Variants in ADCY2 observed in about 807,000 individuals in gnomAD.
ADCY2 encodes the protein adenylate cyclase 2, also known as adenylate cyclase type 2.
ADCY2 carries 31 observed loss-of-function variants against 125.2 expected under a neutral mutation model. That is an observed-to-expected ratio of 0.25 (90% CI 0.19 to 0.33). The LOEUF (loss-of-function observed/expected upper bound fraction) is 0.33. Ranked by LOEUF, ADCY2 falls within the 10% of genes least tolerant of loss-of-function variation. The pLI is 1.00. For missense variants in ADCY2, 904 were observed against 1,418.2 expected, an observed-to-expected ratio of 0.64 and a Z score of 5.82; for synonymous variants, 512 against 548.4, an observed-to-expected ratio of 0.93 and a Z score of 0.93.
rs148448966 is a variant in ADCY2 at position 7,679,897 on chromosome 5, A to G, written c.721-10794A>G. Among the ~76,000 whole-genome samples, 480 of 152,212 alleles carry G rather than the reference A, an allele frequency of 3.2e-3. 5 individuals carry two copies. The highest frequency in any genetic ancestry group is 0.011 in the African/African-American group (463 of 41,526). On this transcript the variant is annotated intron_variant, in intron 4 of 24. Transcript: ENST00000338316. Reference sequence around the variant, plus strand: ...GGTACGTCTCACCCAGAATAGAGATATGTCACTGCATCCCTTAGTGCTCGG... The same window carrying G: ...GGTACGTCTCACCCAGAATAGAGATGTGTCACTGCATCCCTTAGTGCTCGG...
intron 16 of ADCY2, among the ~76,000 whole-genome samples, chr5:7,758,851 TGG>T (rs1743101120): frequency 1.3e-5 from 2 of 152,162 alleles, no homozygotes; most frequent in South Asian, 2.1e-4. Flanking sequence ...TGTTTGCATC[TGG>T]GACAAGAGTA....
intron 12 of ADCY2, among the ~76,000 whole-genome samples, chr5:7,720,221 C>A (rs895039184): frequency 4.6e-5 from 7 of 152,096 alleles, no homozygotes; most frequent in African/African-American, 1.4e-4. Context: ...TCCAATCCCC[C>A]CAAGTAATAG....
chr5:7,414,426 G>A (rs754690501), intron 1 of ADCY2, 147 bp from the exon 2 acceptor site: 51 of 599,546 alleles, frequency 8.5e-5, no homozygotes, highest in Non-Finnish European at 1.3e-4. Context: ...AATTTTAAAT[G>A]TTCAAACTGT....
chr5:7,795,398 A>C (rs1744387813), intron 20 of ADCY2: 3 of 152,212 alleles, frequency 2.0e-5, no homozygotes, highest in Non-Finnish European at 4.4e-5. Flanking sequence ...TGGAAAACAA[A>C]ACCCAATGTA....
At chr5:7,781,862 A>G (rs1743931694) in intron 18 of ADCY2, among the ~76,000 whole-genome samples, 1 of 152,146 alleles carries the variant, frequency 6.6e-6, no homozygotes, top group Non-Finnish European at 1.5e-5. Flanking sequence ...GAGGTGATCT[A>G]GGAACTGATC....
intron 3 of ADCY2, among the ~76,000 whole-genome samples, chr5:7,582,058 G>A (rs909024224): frequency 2.0e-5 from 3 of 152,054 alleles, no homozygotes; most frequent in East Asian, 3.9e-4. Flanking sequence ...ATAAAGACAC[G>A]GGTTAAAGAT....
At chr5:7,722,728 G>A (rs1409088948) in intron 12 of ADCY2, among the ~76,000 whole-genome samples, 1 of 152,018 alleles carries the variant, frequency 6.6e-6, no homozygotes, top group Non-Finnish European at 1.5e-5. Flanking sequence ...CAAGGCCGAG[G>A]TGGGCAGACC....
At chr5:7,734,531 G>A (rs994393532) in intron 14 of ADCY2, among the ~76,000 whole-genome samples, 2 of 152,120 alleles carry the variant, frequency 1.3e-5, no homozygotes, top group Non-Finnish European at 2.9e-5. Flanking sequence ...GGGAAGACTC[G>A]AGGTTGTTTT....
At chr5:7,512,233 A>AAAAAG (rs1554015573) in intron 2 of ADCY2, among the ~76,000 whole-genome samples, 14 of 143,832 alleles carry the variant, frequency 9.7e-5, no homozygotes, top group African/African-American at 3.8e-4. Context: ...AAAAAAAAAA[A>AAAAAG]AAAAAAAGAA....
chr5:7,503,766 G>A (rs1743690146), intron 2 of ADCY2, among the ~76,000 whole-genome samples: 1 of 152,366 alleles, frequency 6.6e-6, no homozygotes, highest in East Asian at 1.9e-4. Flanking sequence ...CAGCGCCAAT[G>A]TGCATGTGGG....
intron 3 of ADCY2, among the ~76,000 whole-genome samples, chr5:7,581,200 A>G (rs969658260): frequency 1.3e-5 from 2 of 152,210 alleles, no homozygotes; most frequent in Non-Finnish European, 2.9e-5. Flanking sequence ...TTAAAAACAC[A>G]TATGGAAGTT....
chr5:7,773,132 T>C lies in ADCY2; in HGVS notation c.2384+31T>C, dbSNP rs756244990. On this transcript the variant is annotated intron_variant, in intron 18 of 24. Coordinates refer to ENST00000338316, the MANE Select transcript of ADCY2 (RefSeq NM_020546.3). The stretch of plus-strand genomic sequence containing the variant: ...CCACGGCCTCTTCCTTCTCTTACTA[T>C]AGTTCTTTCCCAGCCTGTGGATAGC... The C allele has an allele frequency of 1.3e-5, 21 of 1,606,150 alleles. No individual in the cohort carries two copies. In the South Asian group the frequency reaches 1.9e-4, roughly 14 times the overall value.
chr5:7,482,301 T>TG (rs1253625155), intron 2 of ADCY2, among the ~76,000 whole-genome samples: 1 of 152,192 alleles, frequency 6.6e-6, no homozygotes, highest in African/African-American at 2.4e-5. Flanking sequence ...TTTTTGCTGT[T>TG]GGGTTGTTTG....
At chr5:7,739,498 C>G (rs557343432) in intron 14 of ADCY2, among the ~76,000 whole-genome samples, 1 of 151,688 alleles carries the variant, frequency 6.6e-6, no homozygotes, top group Non-Finnish European at 1.5e-5. Flanking sequence ...GTCCAAATTT[C>G]GATCTTAGGA....
chr5:7,666,159 A>C (rs1009024606), intron 4 of ADCY2, among the ~76,000 whole-genome samples: 1 of 151,238 alleles, frequency 6.6e-6, no homozygotes, highest in Non-Finnish European at 1.5e-5. Context: ...CTTAGGAAAA[A>C]AAGTCTTTAA....
chr5:7,491,240 G>T (rs1447476064), intron 2 of ADCY2, among the ~76,000 whole-genome samples: 1 of 151,928 alleles, frequency 6.6e-6, no homozygotes, highest in Non-Finnish European at 1.5e-5. Flanking sequence ...GTTCAAAAAT[G>T]ATCTAATTAA....
At position 7,706,786 on chromosome 5, in the gene ADCY2, G is replaced by A. The variant is rs900227893; in HGVS notation, c.1152G>A (p.Val384=). The change falls in exon 8 of 25, where the codon GTG becomes GTA. Residue 384 remains valine (V), a synonymous_variant. Coordinates refer to ENST00000338316, the MANE Select transcript of ADCY2 (RefSeq NM_020546.3). ...DATGVDINMR[V]GVHSGNVLCG... ...CTGGAGTTGATATCAACATGCGCGTGGGCGTGCATTCTGGGAATGTCCTGT... is the reference window on the plus strand; with the variant it reads ...CTGGAGTTGATATCAACATGCGCGTAGGCGTGCATTCTGGGAATGTCCTGT... The A allele has an allele frequency of 6.2e-7, 1 of 1,614,238 alleles. No individual in the cohort carries two copies. The highest frequency in any genetic ancestry group is 2.2e-5 in the East Asian group (1 of 44,880).
At chr5:7,674,029 G>A (rs146010307) in intron 4 of ADCY2, among the ~76,000 whole-genome samples, 184 of 151,920 alleles carry the variant, frequency 1.2e-3, no homozygotes, top group South Asian at 3.5e-3. Context: ...GCTGTTCCCT[G>A]GGTTTAGCCG....
At chr5:7,663,241 G>A (rs1739596961) in intron 4 of ADCY2, among the ~76,000 whole-genome samples, 1 of 152,190 alleles carries the variant, frequency 6.6e-6, no homozygotes, top group South Asian at 2.1e-4. Context: ...CAAAAAAAAG[G>A]AAGAAAGAAA....
Sources: gnomAD v4.1 joint callset for allele counts (sites outside exome capture counted in the v4.1 genomes callset) on GRCh38, gnomAD v4.1.1 for gene constraint, MANE v1.5 for transcripts, NCBI Gene and HGNC (gene_info 2026-07-23, HGNC 2026-07-21) for gene names.